Variants in TANK observed in about 807,000 individuals in gnomAD.
TANK encodes TRAF family member associated NFKB activator, also known as TRAF family member-associated NF-kappa-B activator.
In TANK, 15 loss-of-function variants were observed where a neutral mutation model predicts 43.6. The ratio of observed to expected loss-of-function variants is 0.34; its 90% CI spans 0.23 to 0.53. TANK has a LOEUF of 0.53. Ranked by LOEUF, TANK falls within the 20% of genes least tolerant of loss-of-function variation. The pLI, the probability that TANK is intolerant of heterozygous loss-of-function variation, is 0.94. For missense variants in TANK, 417 were observed against 498.6 expected (o/e 0.84, Z 1.56); for synonymous variants, 162 against 178.2 (o/e 0.91, Z 0.73).
chr2:161,175,741 G>A (rs1359942026), intron 1 of TANK, among the ~76,000 whole-genome samples: 1 of 152,082 alleles, frequency 6.6e-6, no homozygotes, highest in African/African-American at 2.4e-5. Context: ...CACACCATGG[G>A]CAATCACTGG....
At chr2:161,212,817 C>A (rs1686950626) in intron 4 of TANK, 1 of 962,842 alleles carries the variant, frequency 1.0e-6, no homozygotes. Context: ...GAATAGCCCC[C>A]TGTCCACCTC....
intron 7 of TANK, chr2:161,232,776 T>C: frequency 6.4e-7 from 1 of 1,550,568 alleles, no homozygotes; most frequent in Non-Finnish European, 8.7e-7. Context: ...GCATTGTACA[T>C]TTGCTTTCTA....
intron 2 of TANK, among the ~76,000 whole-genome samples, chr2:161,183,219 C>T (rs545087697): frequency 6.6e-5 from 10 of 152,180 alleles, no homozygotes; most frequent in Admixed American, 2.0e-4. Flanking sequence ...TCTTGGTTTA[C>T]AAAAGAATAC....
At chr2:161,212,261 A>G (rs1381415786) in intron 4 of TANK, 17 of 511,392 alleles carry the variant, frequency 3.3e-5, no homozygotes, top group Non-Finnish European at 4.3e-5. Flanking sequence ...GGGTTTCACT[A>G]TGTTGGCCAG....
chr2:161,201,918 A>G (rs1166281866), intron 2 of TANK, among the ~76,000 whole-genome samples: 6 of 152,196 alleles, frequency 3.9e-5, no homozygotes, highest in Admixed American at 2.0e-4. Context: ...TCTTCTGTTC[A>G]CAATAATAAA....
At chr2:161,160,633 G>C (rs1032949574) in intron 1 of TANK, 147 bp downstream of exon 1, 8 of 631,236 alleles carry the variant, frequency 1.3e-5, no homozygotes, top group African/African-American at 1.1e-4. Flanking sequence ...CCAATTTGCA[G>C]TTTGGGGAGG....
intron 4 of TANK, among the ~76,000 whole-genome samples, chr2:161,209,927 G>A (rs1232381303): frequency 1.3e-5 from 2 of 151,994 alleles, no homozygotes; most frequent in East Asian, 1.9e-4. Context: ...AGTGAACATG[G>A]TATGAGTTCA....
intron 6 of TANK, 26 bp from the exon 7 acceptor site, chr2:161,230,945 T>C (rs746434747): frequency 6.4e-7 from 1 of 1,565,564 alleles, no homozygotes; most frequent in South Asian, 1.1e-5. Flanking sequence ...TGCGGCTGTT[T>C]CTCTTTTGTG....
chr2:161,171,083 C>A (rs982807202), intron 1 of TANK, among the ~76,000 whole-genome samples: 1 of 152,166 alleles, frequency 6.6e-6, no homozygotes, highest in Non-Finnish European at 1.5e-5. Flanking sequence ...TAGGGTGGCA[C>A]AGCAAGTGTT....
chr2:161,162,067 T>A (rs1684466188), intron 1 of TANK, among the ~76,000 whole-genome samples: 1 of 152,126 alleles, frequency 6.6e-6, no homozygotes, highest in Admixed American at 6.5e-5. Context: ...AGGCAGCCAT[T>A]TTTTCCTGAA....
intron 1 of TANK, among the ~76,000 whole-genome samples, chr2:161,140,813 GT>G (rs57081002): frequency 0.11 from 16,869 of 150,270 alleles, 1,681 homozygotes; most frequent in African/African-American, 0.26. Flanking sequence ...GATAGTAAGG[GT>G]TTTTTTTTAA....
At chr2:161,150,589 C>CTT (rs989283972) in intron 1 of TANK, among the ~76,000 whole-genome samples, 2,457 of 121,190 alleles carry the variant, frequency 0.02, 139 homozygotes, top group African/African-American at 0.07. Context: ...TCTTCTTCTT[C>CTT]TTTTTTTTTT....
chr2:161,209,403 A>G (rs1300460556), intron 4 of TANK, among the ~76,000 whole-genome samples: 1 of 152,228 alleles, frequency 6.6e-6, no homozygotes, highest in African/African-American at 2.4e-5. Flanking sequence ...TTAAATAACA[A>G]GTTTTGTATT....
At chr2:161,158,953 G>A (rs1247166620), upstream of TANK, among the ~76,000 whole-genome samples, 2 of 152,090 alleles carry the variant, frequency 1.3e-5, no homozygotes, top group Non-Finnish European at 2.9e-5. Context: ...GATCCTCCAC[G>A]TCATATGTCA....
rs181348869 is a variant in TANK, at chr2:161,150,927, A to G, written c.-50+13864A>G. ...TTTAATATGAACATTTACTGCTATT[A>G]ATTTTCCTCTGAGCACTGTTTTTAC... On this transcript the variant is annotated intron_variant, in intron 1 of 7. Coordinates refer to the TANK transcript ENST00000259075. Among the ~76,000 whole-genome samples the G allele has an allele frequency of 2.6e-5, 4 of 152,178 alleles. No homozygotes were observed. In the East Asian group the frequency reaches 7.7e-4, roughly 29 times the overall value.
chr2:161,176,350 C>T (rs1685173538), intron 1 of TANK, among the ~76,000 whole-genome samples: 1 of 152,090 alleles, frequency 6.6e-6, no homozygotes, highest in Admixed American at 6.6e-5. Context: ...TAATTATCTT[C>T]TTGGTTGTGA....
chr2:161,173,921 C>G (rs924314139), intron 1 of TANK, among the ~76,000 whole-genome samples: 1 of 152,086 alleles, frequency 6.6e-6, no homozygotes, highest in East Asian at 1.9e-4. Context: ...CTGTAACATT[C>G]CAACCAGCTG....
intron 1 of TANK, among the ~76,000 whole-genome samples, chr2:161,163,792 G>A (rs1164184355): frequency 6.6e-6 from 1 of 152,168 alleles, no homozygotes; most frequent in Admixed American, 6.5e-5. Flanking sequence ...GCATAGTTCA[G>A]GTATGTGCAT....
intron 1 of TANK, among the ~76,000 whole-genome samples, chr2:161,151,590 C>T (rs942731180): frequency 1.3e-5 from 2 of 152,122 alleles, no homozygotes; most frequent in African/African-American, 4.8e-5. Flanking sequence ...GCCACGCCAT[C>T]TCTCTTTTGG....
Sources: gnomAD v4.1 joint callset for allele counts (sites outside exome capture counted in the v4.1 genomes callset) on GRCh38, gnomAD v4.1.1 for gene constraint, MANE v1.5 for transcripts, NCBI Gene and HGNC (gene_info 2026-07-23, HGNC 2026-07-21) for gene names.